ARK2C: variants seen among roughly 807,000 people sequenced by gnomAD.
The protein encoded by ARK2C is arkadia (RNF111) C-terminal like ring finger ubiquitin ligase 2C, also known as E3 ubiquitin-protein ligase ARK2C.
the ARK2C span, among the ~76,000 whole-genome samples, chr18:46,372,062 T>C: frequency 6.6e-5 from 10 of 152,274 alleles, no homozygotes; most frequent in African/African-American, 2.4e-4. Context: ...ACAGTTCCTT[T>C]AGGGTAGAAG....
the ARK2C span, among the ~76,000 whole-genome samples, chr18:46,369,962 C>T: frequency 6.6e-6 from 1 of 152,166 alleles, no homozygotes; most frequent in Admixed American, 6.5e-5. Context: ...CACACGCACA[C>T]ATGCACACAC....
the ARK2C span, chr18:46,456,396 C>T: frequency 7.2e-5 from 53 of 736,410 alleles, no homozygotes; most frequent in Non-Finnish European, 1.2e-4. Context: ...CATGGTTTCC[C>T]ATCTCAGCCA....
chr18:46,446,525 T>A, the ARK2C span, among the ~76,000 whole-genome samples: 19 of 151,598 alleles, frequency 1.3e-4, no homozygotes, highest in Admixed American at 1.2e-3. Flanking sequence ...ACAAAAGTTA[T>A]CCGGGCGTGG....
At chr18:46,418,547 A>C in the ARK2C span, among the ~76,000 whole-genome samples, 2 of 152,186 alleles carry the variant, frequency 1.3e-5, no homozygotes, top group African/African-American at 2.4e-5. Flanking sequence ...AACTAGCCAT[A>C]TTTCACATTT....
At chr18:46,383,487 C>T in the ARK2C span, among the ~76,000 whole-genome samples, 2 of 151,494 alleles carry the variant, frequency 1.3e-5, no homozygotes, top group African/African-American at 4.9e-5. Context: ...ACAGTAAAAC[C>T]ATAACCTTTG....
chr18:46,369,226 A>T, the ARK2C span, among the ~76,000 whole-genome samples: 44 of 152,316 alleles, frequency 2.9e-4, no homozygotes, highest in Middle Eastern at 3.4e-3. Flanking sequence ...TTGTTTCCAG[A>T]TACCCAGGAG....
the ARK2C span, among the ~76,000 whole-genome samples, chr18:46,378,574 A>G: frequency 6.6e-6 from 1 of 152,192 alleles, no homozygotes; most frequent in East Asian, 1.9e-4. Context: ...GTATGGTCCA[A>G]TTGTTCCAGT....
At chr18:46,417,235 C>T in the ARK2C span, among the ~76,000 whole-genome samples, 1 of 152,240 alleles carries the variant, frequency 6.6e-6, no homozygotes, top group African/African-American at 2.4e-5. Context: ...CTGCTTCTTA[C>T]CTTTGCCTTC....
At chr18:46,344,645 G>A in the ARK2C span, among the ~76,000 whole-genome samples, 1 of 152,096 alleles carries the variant, frequency 6.6e-6, no homozygotes, top group Non-Finnish European at 1.5e-5. Context: ...ATTCCCTGGA[G>A]GGGCAGGCAT....
the ARK2C span, among the ~76,000 whole-genome samples, chr18:46,398,550 C>T: frequency 2.6e-5 from 4 of 151,850 alleles, no homozygotes; most frequent in Non-Finnish European, 5.9e-5. Flanking sequence ...AGAGTGTGGC[C>T]GGGACTTTAG....
the ARK2C span, chr18:46,433,438 C>T: frequency 6.2e-7 from 1 of 1,613,392 alleles, no homozygotes; most frequent in Non-Finnish European, 8.5e-7. Flanking sequence ...TCAGGCCCTG[C>T]ACCAGCAATA....
the ARK2C span, among the ~76,000 whole-genome samples, chr18:46,347,963 A>G: frequency 6.6e-6 from 1 of 152,112 alleles, no homozygotes; most frequent in Admixed American, 6.5e-5. Flanking sequence ...AATAATAACC[A>G]TAAGGGCAGT....
At chr18:46,356,944 C>A in the ARK2C span, among the ~76,000 whole-genome samples, 3 of 152,194 alleles carry the variant, frequency 2.0e-5, no homozygotes, top group Non-Finnish European at 4.4e-5. Flanking sequence ...CTGTGCCCTG[C>A]ATTGCAATGC....
the ARK2C span, among the ~76,000 whole-genome samples, chr18:46,379,004 T>C: frequency 6.6e-6 from 1 of 152,158 alleles, no homozygotes; most frequent in Non-Finnish European, 1.5e-5. Context: ...CTGCTCCTAA[T>C]TAGGCCTGGA....
chr18:46,450,237 C>A, the ARK2C span: 1 of 1,099,552 alleles, frequency 9.1e-7, no homozygotes, highest in African/African-American at 1.5e-5. Context: ...AAGTTGCATG[C>A]TGGGCTCATG....
the ARK2C span, chr18:46,450,456 A>C: frequency 6.3e-5 from 82 of 1,308,644 alleles, no homozygotes; most frequent in Non-Finnish European, 8.8e-5. Flanking sequence ...TATTGTTATC[A>C]TCCCTTTTCC....
chr18:46,424,658 T>C, the ARK2C span, among the ~76,000 whole-genome samples: 1 of 152,178 alleles, frequency 6.6e-6, no homozygotes, highest in Non-Finnish European at 1.5e-5. Flanking sequence ...GGTCAGAAGC[T>C]ATTTGAGGCC....
chr18:46,386,020 C>A, the ARK2C span: 1 of 152,208 alleles, frequency 6.6e-6, no homozygotes, highest in African/African-American at 2.4e-5. Context: ...TTGCTTCCAA[C>A]CATCTGGGCC....
the ARK2C span, among the ~76,000 whole-genome samples, chr18:46,385,241 G>T: frequency 6.6e-6 from 1 of 152,228 alleles, no homozygotes; most frequent in African/African-American, 2.4e-5. Context: ...TTACAGGGTT[G>T]CTTCCTGGGC....
Sources: allele counts gnomAD v4.1 joint callset (sites outside exome capture counted in the v4.1 genomes callset), GRCh38; gene constraint gnomAD v4.1.1; transcripts MANE v1.5; gene names NCBI Gene and HGNC (gene_info 2026-07-23, HGNC 2026-07-21).